ZSWIM2: variants seen among roughly 807,000 people sequenced by gnomAD.
The protein encoded by ZSWIM2 is zinc finger SWIM-type containing 2.
ZSWIM2 carries 38 observed loss-of-function variants against 48.4 expected under a neutral mutation model. The ratio of observed to expected loss-of-function variants is 0.79; its 90% CI spans 0.61 to 1.03. The LOEUF is 1.03. Ranked by LOEUF, ZSWIM2 falls within the 50% of genes least tolerant of loss-of-function variation. The probability of loss-of-function intolerance (pLI) is 0.00; values close to 1 mark genes in which losing one functional copy is unlikely to be tolerated. For synonymous variants in ZSWIM2, 240 were observed against 251.3 expected, an observed-to-expected ratio of 0.96 and a Z score of 0.42; for missense variants, 776 against 730.2, an observed-to-expected ratio of 1.06 and a Z score of -0.72.
rs184293487 is a variant in ZSWIM2 at position 186,827,617 on chromosome 2, G to A, written c.*367C>T. ...AAAATGCAAAAAATACAGAAGTACC[G>A]GGGAGTAATCCCTGCATGTTATGTG... On this transcript the variant is annotated 3_prime_UTR_variant, in exon 9 of 9. Coordinates refer to ENST00000295131, the MANE Select transcript of ZSWIM2 (RefSeq NM_182521.3). Among the ~76,000 whole-genome samples, 13 of 151,816 alleles carry A rather than the reference G, an allele frequency of 8.6e-5. No homozygotes were observed. The highest frequency in any genetic ancestry group is 7.7e-4 in the East Asian group (4 of 5,176).
intron 3 of ZSWIM2, among the ~76,000 whole-genome samples, chr2:186,840,109 A>G (rs3100024): frequency 0.99 from 150,603 of 151,648 alleles, 74,793 homozygotes; most frequent in Middle Eastern, 1. Flanking sequence ...CAGAAATCGC[A>G]GTTCCCTGTC....
At chr2:186,830,047 T>G (rs1691670712) in intron 7 of ZSWIM2, among the ~76,000 whole-genome samples, 167 bp from the exon 8 acceptor site, 1 of 152,172 alleles carries the variant, frequency 6.6e-6, no homozygotes, top group African/African-American at 2.4e-5. Context: ...AAAATCTATT[T>G]TATTGATCCT....
Position 186,827,823 on chromosome 2 carries a change from A to G in ZSWIM2, c.*161T>C, listed in dbSNP as rs1254097940. The G allele has an allele frequency of 2.0e-6, 1 of 502,316 alleles. No homozygotes were observed. Among genetic ancestry groups the G allele is most frequent in the African/African-American group, 1.9e-5 (1 of 51,696 alleles). 31.1% of individuals were successfully genotyped at this position (502,316 alleles called of 1,614,324 possible). ...TAATGCTGTAAGTCATATAAGTAAT[A>G]GAATCATTTCCTTTAAGTGTAGTGA... On this transcript the variant is annotated 3_prime_UTR_variant, in exon 9 of 9. Transcript: ENST00000295131.
At chr2:186,830,616 TAAATTGGTAGATCATAAGAGATAAGG>T (rs529160179) in intron 7 of ZSWIM2, among the ~76,000 whole-genome samples, 2,001 of 152,248 alleles carry the variant, frequency 0.013, 27 homozygotes, top group Non-Finnish European at 0.022. Flanking sequence ...GCTACTATGA[TAAATTGGTAGATCATAAGAGATAAGG>T]AAATTTGTTT....
intron 1 of ZSWIM2, chr2:186,848,721 A>G: frequency 2.2e-6 from 1 of 449,612 alleles, no homozygotes; most frequent in East Asian, 4.1e-5. Flanking sequence ...ATCAAGAGCC[A>G]TCATCTTTTA....
At chr2:186,846,287 A>G (rs1692001425) in intron 2 of ZSWIM2, among the ~76,000 whole-genome samples, 2 of 151,938 alleles carry the variant, frequency 1.3e-5, no homozygotes, top group Admixed American at 6.6e-5. Context: ...ACTCAACAGG[A>G]AAAAACCTAA....
intron 7 of ZSWIM2, among the ~76,000 whole-genome samples, chr2:186,831,239 C>G (rs1691693446): frequency 6.6e-6 from 1 of 152,030 alleles, no homozygotes; most frequent in Non-Finnish European, 1.5e-5. Flanking sequence ...TTTGTATAGG[C>G]TCATTTTACG....
intron 3 of ZSWIM2, among the ~76,000 whole-genome samples, chr2:186,840,544 A>G (rs1691886508): frequency 6.6e-6 from 1 of 151,660 alleles, no homozygotes. Flanking sequence ...ACATTGTTAA[A>G]CAAAGAGGAA....
intron 2 of ZSWIM2, 65 bp downstream of exon 2, chr2:186,847,654 A>T (rs1473673613): frequency 5.7e-6 from 7 of 1,238,908 alleles, no homozygotes; most frequent in Non-Finnish European, 7.8e-6. Context: ...ACCATGACAA[A>T]GGCAAAATAT....
Position 186,828,142 on chromosome 2 carries a change from T to A in ZSWIM2, c.1744A>T (p.Asn582Tyr). The change falls in exon 9 of 9, where the codon AAT becomes TAT. Residue 582 changes from asparagine to tyrosine, a missense_variant. Asn to Tyr is a moderately radical substitution (Grantham distance 143, BLOSUM62 -2). Transcript: ENST00000295131. ...AAACTAAGTTTAGCTGTGCTCCAATTGACAATAAGATTGAAATCCTCTGGA... is the reference window on the plus strand; with the variant it reads ...AAACTAAGTTTAGCTGTGCTCCAATAGACAATAAGATTGAAATCCTCTGGA... The part of the protein sequence containing the change: ...LLPEDFNLIV[N>Y]WSTAKLSLSK... 6.2e-7 allele frequency: 1 copy of A among 1,613,618 alleles called. No individual in the cohort carries two copies. Among genetic ancestry groups the A allele is most frequent in the Non-Finnish European group, 8.5e-7 (1 of 1,179,720 alleles).
In ZSWIM2 at chr2:186,837,317, C is replaced by T. The variant is rs576926959; in HGVS notation, c.732G>A (p.Gly244=). The T allele has an allele frequency of 6.2e-7, 1 of 1,612,626 alleles. No homozygotes were observed. The highest frequency in any genetic ancestry group is 8.5e-7 in the Non-Finnish European group (1 of 1,179,084). The change falls in exon 5 of 9, where the codon GGG becomes GGA. Residue 244 remains glycine, a synonymous_variant. Coordinates refer to ENST00000295131, the MANE Select transcript of ZSWIM2 (RefSeq NM_182521.3). ...CNNCKQFPIE[G]KCYKCTECIE... ...CGGATAACACTTACTTATAACACTT[C>T]CCCTCAATTGGAAACTGTTTGCAGT...
At chr2:186,844,605 G>T in intron 3 of ZSWIM2, 112 bp downstream of exon 3, 1 of 1,101,550 alleles carries the variant, frequency 9.1e-7, no homozygotes, top group Non-Finnish European at 1.3e-6. Flanking sequence ...CGATTCCCTA[G>T]AAAAGTAACC....
intron 3 of ZSWIM2, among the ~76,000 whole-genome samples, chr2:186,843,068 G>T (rs955057031): frequency 6.6e-6 from 1 of 151,406 alleles, no homozygotes; most frequent in African/African-American, 2.4e-5. Context: ...TGATGTACTG[G>T]CTTAAGTTAA....
chr2:186,838,917 A>G (rs1338682586), intron 4 of ZSWIM2, 42 bp downstream of exon 4: 1 of 1,555,402 alleles, frequency 6.4e-7, no homozygotes, highest in African/African-American at 1.4e-5. Flanking sequence ...ATGTTTTAGA[A>G]TTTTTAATTA....
chr2:186,848,145 C>T (rs1692039947), intron 1 of ZSWIM2, among the ~76,000 whole-genome samples: 1 of 152,104 alleles, frequency 6.6e-6, no homozygotes, highest in Non-Finnish European at 1.5e-5. Context: ...TGTAAGGTAG[C>T]TCATTTTGGA....
intron 3 of ZSWIM2, among the ~76,000 whole-genome samples, chr2:186,842,867 A>G (rs1284551998): frequency 6.6e-6 from 1 of 151,544 alleles, no homozygotes; most frequent in Non-Finnish European, 1.5e-5. Context: ...CAATTTGGAT[A>G]TGTGAATCTA....
At chr2:186,843,586 T>C (rs1205620346) in intron 3 of ZSWIM2, among the ~76,000 whole-genome samples, 2 of 151,392 alleles carry the variant, frequency 1.3e-5, no homozygotes, top group Non-Finnish European at 3.0e-5. Flanking sequence ...GAGAAAAAAA[T>C]CAGAGAGAAT....
intron 4 of ZSWIM2, among the ~76,000 whole-genome samples, chr2:186,838,723 A>G (rs1219139931): frequency 6.8e-6 from 1 of 146,800 alleles, no homozygotes; most frequent in Non-Finnish European, 1.5e-5. Flanking sequence ...TTTCTATGAT[A>G]TATATTTATA....
chr2:186,836,050 A>G (rs1691787193), intron 5 of ZSWIM2, among the ~76,000 whole-genome samples: 2 of 152,068 alleles, frequency 1.3e-5, no homozygotes, highest in African/African-American at 4.8e-5. Context: ...CAACATACCT[A>G]AGCAATATTT....
Sources: allele counts gnomAD v4.1 joint callset (sites outside exome capture counted in the v4.1 genomes callset), GRCh38; gene constraint gnomAD v4.1.1; transcripts MANE v1.5; gene names NCBI Gene and HGNC (gene_info 2026-07-23, HGNC 2026-07-21).